The following OSBPL9 variants were observed in gnomAD, a reference collection of about 807,000 sequenced individuals.
OSBPL9 encodes oxysterol-binding protein-related protein 9.
A neutral mutation model predicts 106.6 loss-of-function variants in OSBPL9; 40 were observed. That is an observed-to-expected ratio of 0.38 (90% CI 0.29 to 0.49). The LOEUF (loss-of-function observed/expected upper bound fraction) is 0.49, where lower values mean the gene tolerates loss of function less well. Ranked by LOEUF, OSBPL9 falls within the 20% of genes least tolerant of loss-of-function variation. The pLI is 0.97. For synonymous variants in OSBPL9, 269 were observed against 295.4 expected (o/e 0.91, Z 0.92); for missense variants, 609 against 887.2 (o/e 0.69, Z 3.98).
intron 21 of OSBPL9, 147 bp from the exon 22 acceptor site, chr1:51,786,379 A>G: frequency 1.7e-6 from 1 of 599,668 alleles, no homozygotes; most frequent in South Asian, 2.0e-5. Context: ...TCTTAAACAG[A>G]GGAAAGATGT....
chr1:51,670,997 T>G (rs911051142), intron 3 of OSBPL9, among the ~76,000 whole-genome samples: 19 of 152,208 alleles, frequency 1.2e-4, no homozygotes, highest in African/African-American at 4.6e-4. Context: ...ACCTTCTGAT[T>G]TACTTTTAAA....
the OSBPL9 span, among the ~76,000 whole-genome samples, chr1:51,535,074 G>A: frequency 1.3e-5 from 2 of 152,194 alleles, no homozygotes; most frequent in African/African-American, 2.4e-5. Flanking sequence ...GTGTGTTCAC[G>A]GGACCTTTAT....
At chr1:51,684,277 G>A (rs1268526140) in intron 3 of OSBPL9, among the ~76,000 whole-genome samples, 1 of 152,050 alleles carries the variant, frequency 6.6e-6, no homozygotes, top group Non-Finnish European at 1.5e-5. Flanking sequence ...CCAAAGTGCT[G>A]GGAATACAGG....
At chr1:51,595,796 T>G (rs1444715880) in intron 1 of OSBPL9, among the ~76,000 whole-genome samples, 1 of 152,050 alleles carries the variant, frequency 6.6e-6, no homozygotes, top group Non-Finnish European at 1.5e-5. Context: ...CTCACACTAG[T>G]GTGAGGAGGG....
chr1:51,768,693 C>A (rs1673168821), intron 12 of OSBPL9, among the ~76,000 whole-genome samples: 1 of 152,228 alleles, frequency 6.6e-6, no homozygotes, highest in African/African-American at 2.4e-5. Flanking sequence ...TTGAGGGATT[C>A]TCCCAAAATT....
chr1:51,702,724 T>C (rs188848538), intron 3 of OSBPL9, among the ~76,000 whole-genome samples: 1 of 152,254 alleles, frequency 6.6e-6, no homozygotes, highest in Non-Finnish European at 1.5e-5. Flanking sequence ...TTGCCATGCC[T>C]ATGTCCTGAA....
chr1:51,787,585 G>C (rs2149172126), intron 23 of OSBPL9, 97 bp downstream of exon 23: 2 of 1,601,476 alleles, frequency 1.2e-6, no homozygotes, highest in East Asian at 4.5e-5. Context: ...TTATAAACAA[G>C]ATGATCGCTG....
At chr1:51,708,506 T>A (rs1358970700) in intron 3 of OSBPL9, among the ~76,000 whole-genome samples, 2 of 152,180 alleles carry the variant, frequency 1.3e-5, no homozygotes, top group African/African-American at 4.8e-5. Context: ...TATGTCCTTA[T>A]TAATGTTTCA....
the OSBPL9 span, among the ~76,000 whole-genome samples, chr1:51,547,083 A>G: frequency 9.9e-4 from 151 of 152,334 alleles, 1 homozygote; most frequent in African/African-American, 3.5e-3. Flanking sequence ...GTGGATCACA[A>G]TCTGACATGA....
intron 1 of OSBPL9, among the ~76,000 whole-genome samples, chr1:51,597,589 A>AT (rs1645306841): frequency 6.6e-6 from 1 of 152,034 alleles, no homozygotes; most frequent in African/African-American, 2.4e-5. Flanking sequence ...TATAAGTGGT[A>AT]TTTTAAGCCA....
chr1:51,552,185 T>C, the OSBPL9 span, among the ~76,000 whole-genome samples: 81 of 152,220 alleles, frequency 5.3e-4, no homozygotes, highest in Non-Finnish European at 8.7e-4. Context: ...GACTTCCTTA[T>C]ACTTTTCTTG....
chr1:51,541,177 T>A, the OSBPL9 span, among the ~76,000 whole-genome samples: 1 of 152,184 alleles, frequency 6.6e-6, no homozygotes, highest in South Asian at 2.1e-4. Flanking sequence ...TGTTTGTCTC[T>A]CTTCCCCACT....
chr1:51,648,623 A>G (rs12043590), intron 1 of OSBPL9, among the ~76,000 whole-genome samples: 2,982 of 152,210 alleles, frequency 0.02, 93 homozygotes, highest in East Asian at 0.11. Flanking sequence ...GCCCTGTGCT[A>G]TTGTGAAAGA....
chr1:51,758,639 G>A (rs1360871339), intron 9 of OSBPL9, among the ~76,000 whole-genome samples: 2 of 152,102 alleles, frequency 1.3e-5, no homozygotes, highest in East Asian at 3.8e-4. Context: ...CTAATTGTAA[G>A]AACGTTTCAT....
At chr1:51,596,766 C>G (rs868542120) in intron 1 of OSBPL9, among the ~76,000 whole-genome samples, 1 of 151,702 alleles carries the variant, frequency 6.6e-6, no homozygotes, top group African/African-American at 2.4e-5. Context: ...GGTGACAGAG[C>G]GAGACTCCAT....
At chr1:51,706,678 T>C (rs1430675290) in intron 3 of OSBPL9, among the ~76,000 whole-genome samples, 1 of 149,476 alleles carries the variant, frequency 6.7e-6, no homozygotes, top group East Asian at 1.9e-4. Context: ...GCATTTAATA[T>C]ATATATGAAT....
Position 51,785,842 on chromosome 1 carries a change from G to A in OSBPL9, c.1864G>A (p.Glu622Lys). The change falls in exon 21 of 24, where the codon GAA becomes AAA. Residue 622 changes from glutamate (E) to lysine (K), a missense_variant. Physicochemically the swap from Glu to Lys is moderately conservative, Grantham distance 56. Transcript: ENST00000428468. ...TGACAAGAAGTCTTTTTGCTCAATTGAAGGGGAATGGAATGGTGTGATGTA... is the reference window on the plus strand; with the variant it reads ...TGACAAGAAGTCTTTTTGCTCAATTAAAGGGGAATGGAATGGTGTGATGTA... ...PNDKKSFCSI[E>K]GEWNGVMYAK... 3 of 1,608,032 alleles carry A rather than the reference G, an allele frequency of 1.9e-6. No individual in the cohort carries two copies. Among genetic ancestry groups the A allele is most frequent in the Non-Finnish European group, 2.5e-6 (3 of 1,178,596 alleles).
In OSBPL9 at chr1:51,789,103, T is replaced by A. The variant is rs1678406782; in HGVS notation, c.*1314T>A. 4 of 841,276 alleles carry A rather than the reference T, an allele frequency of 4.8e-6. No homozygotes were observed. The highest frequency in any genetic ancestry group is 7.6e-6 in the Non-Finnish European group (4 of 524,858). 52.1% of individuals were successfully genotyped at this position (841,276 alleles called of 1,614,324 possible). ...ATTAGTCTCAACAAAGGATAAAAAG[T>A]AAATCAAATGCTATGATGCCAGTGC... On this transcript the variant is annotated 3_prime_UTR_variant, in exon 24 of 24. Coordinates refer to ENST00000428468, the MANE Select transcript of OSBPL9 (RefSeq NM_024586.6).
intron 1 of OSBPL9, among the ~76,000 whole-genome samples, chr1:51,620,586 G>A (rs1054752629): frequency 5.9e-5 from 9 of 152,142 alleles, no homozygotes; most frequent in Non-Finnish European, 1.3e-4. Context: ...GAGCAGAGAG[G>A]GAAAAGTGCT....
Sources: gnomAD v4.1 joint callset for allele counts (sites outside exome capture counted in the v4.1 genomes callset) on GRCh38, gnomAD v4.1.1 for gene constraint, MANE v1.5 for transcripts, NCBI Gene and HGNC (gene_info 2026-07-23, HGNC 2026-07-21) for gene names.